The following FHIP1A variants were observed in gnomAD, a reference collection of about 807,000 sequenced individuals.
FHIP1A encodes the protein FHF complex subunit HOOK-interacting protein 1A.
Under a neutral mutation model 88.6 loss-of-function variants are expected in FHIP1A, and 61 were observed. That is an observed-to-expected ratio of 0.69 (90% CI 0.56 to 0.85). The LOEUF (loss-of-function observed/expected upper bound fraction) is 0.85. FHIP1A is among the 40% of genes least tolerant of loss of function. The pLI is 0.00. For missense variants in FHIP1A, 1,154 were observed against 1,273.5 expected (o/e 0.91, Z 1.43); for synonymous variants, 478 against 496.0 (o/e 0.96, Z 0.48).
chr4:151,459,489 A>G (rs1176221408), intron 2 of FHIP1A, among the ~76,000 whole-genome samples: 1 of 152,190 alleles, frequency 6.6e-6, no homozygotes, highest in Non-Finnish European at 1.5e-5. Context: ...AAGGAACAAG[A>G]AAAACTGGTC....
At chr4:151,608,037 CTTTTTT>C (rs376335318) in intron 7 of FHIP1A, among the ~76,000 whole-genome samples, 2 of 67,104 alleles carry the variant, frequency 3.0e-5, no homozygotes, top group Non-Finnish European at 5.5e-5. Flanking sequence ...CTTTCTTCTT[CTTTTTT>C]TTTTTTTTTT....
chr4:151,485,282 GTTTT>G (rs74327398), intron 3 of FHIP1A, among the ~76,000 whole-genome samples: 3,106 of 118,702 alleles, frequency 0.026, 42 homozygotes, highest in African/African-American at 0.082. Context: ...ATCTTTTCCA[GTTTT>G]TTTTTTTTTT....
rs911468383 is a variant in FHIP1A at position 151,577,452 on chromosome 4, T to C, written c.108T>C (p.Val36=). The C allele has an allele frequency of 2.0e-6, 3 of 1,529,546 alleles. No homozygotes were observed. In the African/African-American group the frequency reaches 4.2e-5, roughly 21 times the overall value. The allele number at this position is 1,529,546 out of a possible 1,614,324, so 94.7% of individuals were successfully genotyped here. The change falls in exon 5 of 14, where the codon GTT becomes GTC. Residue 36 remains valine (V), a splice_region_variant and synonymous_variant. Coordinates refer to ENST00000435205, the MANE Select transcript of FHIP1A (RefSeq NM_001109977.3). The part of the protein sequence containing the change: ...MIVFKNHWAQ[V]VKILEKHDPL... ...ACAAATGCTTGACTTGGTTACAGGT[T>C]GTGAAAATCTTGGAGAAGCACGACC...
At chr4:151,458,392 G>A (rs1447379780) in intron 2 of FHIP1A, among the ~76,000 whole-genome samples, 3 of 152,174 alleles carry the variant, frequency 2.0e-5, no homozygotes, top group Non-Finnish European at 4.4e-5. Flanking sequence ...GCCTAGCCAG[G>A]TCTGCTGTGG....
At chr4:151,507,130 C>T (rs959234214) in intron 3 of FHIP1A, among the ~76,000 whole-genome samples, 1 of 152,050 alleles carries the variant, frequency 6.6e-6, no homozygotes, top group African/African-American at 2.4e-5. Context: ...CCTGCCCCCC[C>T]ACTTTTTTTT....
chr4:151,591,403 A>G (rs1734422787), intron 7 of FHIP1A, among the ~76,000 whole-genome samples: 1 of 151,928 alleles, frequency 6.6e-6, no homozygotes, highest in Non-Finnish European at 1.5e-5. Context: ...CCTATACTCC[A>G]TGTCCACTGC....
chr4:151,660,189 G>A (rs1009483077), intron 13 of FHIP1A, among the ~76,000 whole-genome samples: 1 of 152,210 alleles, frequency 6.6e-6, no homozygotes, highest in Non-Finnish European at 1.5e-5. Flanking sequence ...CCCCGGAGGG[G>A]AGCCCGGGTC....
chr4:151,482,457 G>GA (rs1465106481), intron 2 of FHIP1A, 67 bp from the exon 3 acceptor site: 4 of 149,578 alleles, frequency 2.7e-5, no homozygotes, highest in African/African-American at 7.3e-5. Context: ...TGCGAGCGGA[G>GA]AAAAAATAGA....
intron 3 of FHIP1A, among the ~76,000 whole-genome samples, chr4:151,548,161 CTT>C (rs1347085887): frequency 4.6e-5 from 7 of 152,116 alleles, no homozygotes; most frequent in African/African-American, 7.2e-5. Context: ...CTAGTGGACT[CTT>C]ATCACTAGAT....
chr4:151,566,331 A>G lies in FHIP1A; in HGVS notation c.72A>G (p.Thr24=). 1.3e-6 allele frequency: 2 copies of G among 1,550,820 alleles called. No individual in the cohort carries two copies. The highest frequency in any genetic ancestry group is 1.7e-6 in the Non-Finnish European group (2 of 1,146,204). The change falls in exon 4 of 14, where the codon ACA becomes ACG. Residue 24 remains threonine (T), a synonymous_variant. Transcript: ENST00000435205. ...AVSLQGVDPE[T]CMIVFKNHWA... ...GCCTACAGGGAGTTGACCCAGAAAC[A>G]TGCATGATTGTATTTAAAAACCACT... is the stretch of plus-strand genomic sequence containing the variant.
intron 2 of FHIP1A, among the ~76,000 whole-genome samples, chr4:151,477,616 T>G (rs1273362016): frequency 6.6e-6 from 1 of 152,132 alleles, no homozygotes; most frequent in Admixed American, 6.5e-5. Context: ...ACTAATTTTC[T>G]TAATAAAAAG....
intron 7 of FHIP1A, among the ~76,000 whole-genome samples, chr4:151,616,542 G>A (rs1339872570): frequency 3.5e-5 from 5 of 144,316 alleles, no homozygotes; most frequent in South Asian, 2.2e-4. Flanking sequence ...TCCGCCTCCC[G>A]GGTTCACGCC....
chr4:151,564,390 C>T (rs906835007), intron 3 of FHIP1A, among the ~76,000 whole-genome samples: 1 of 152,098 alleles, frequency 6.6e-6, no homozygotes, highest in Non-Finnish European at 1.5e-5. Flanking sequence ...CTTGTTTTAT[C>T]TCTTATCATT....
intron 1 of FHIP1A, among the ~76,000 whole-genome samples, chr4:151,427,845 G>A (rs539829542): frequency 3.9e-5 from 6 of 152,230 alleles, no homozygotes; most frequent in African/African-American, 1.4e-4. Context: ...AATCATTGGC[G>A]AAGGAATAGA....
At chr4:151,660,010 C>T (rs1444539224) in intron 13 of FHIP1A, among the ~76,000 whole-genome samples, 2 of 152,226 alleles carry the variant, frequency 1.3e-5, no homozygotes, top group African/African-American at 4.8e-5. Flanking sequence ...AGCCCTTTTA[C>T]TGGGCACTGA....
At chr4:151,527,649 CAG>C (rs763543078) in intron 3 of FHIP1A, among the ~76,000 whole-genome samples, 7 of 152,126 alleles carry the variant, frequency 4.6e-5, no homozygotes, top group African/African-American at 7.2e-5. Flanking sequence ...ATTGGTAACA[CAG>C]GGGCTGAGAA....
At chr4:151,528,212 T>C (rs1731753329) in intron 3 of FHIP1A, among the ~76,000 whole-genome samples, 1 of 152,200 alleles carries the variant, frequency 6.6e-6, no homozygotes, top group Non-Finnish European at 1.5e-5. Context: ...GAAAAATAAA[T>C]CTGGATAAAT....
chr4:151,450,921 G>A (rs1398810250), intron 1 of FHIP1A, among the ~76,000 whole-genome samples: 1 of 152,012 alleles, frequency 6.6e-6, no homozygotes, highest in Non-Finnish European at 1.5e-5. Flanking sequence ...GGGATTACAA[G>A]TGTGTGCCAC....
intron 7 of FHIP1A, among the ~76,000 whole-genome samples, chr4:151,596,347 C>T (rs1290776232): frequency 1.3e-5 from 2 of 152,144 alleles, no homozygotes; most frequent in Non-Finnish European, 2.9e-5. Flanking sequence ...TGAATGTTGG[C>T]CCCCAGTCTC....
Sources: gnomAD v4.1 joint callset for allele counts (sites outside exome capture counted in the v4.1 genomes callset) on GRCh38, gnomAD v4.1.1 for gene constraint, MANE v1.5 for transcripts, NCBI Gene and HGNC (gene_info 2026-07-23, HGNC 2026-07-21) for gene names.